SPRY4: variants seen among roughly 807,000 people sequenced by gnomAD.
The protein encoded by SPRY4 is sprouty RTK signaling antagonist 4, also known as protein sprouty homolog 4.
SPRY4 carries 7 observed loss-of-function variants against 17.0 expected under a neutral mutation model. The ratio of observed to expected loss-of-function variants is 0.41; its 90% CI spans 0.23 to 0.77. The LOEUF (loss-of-function observed/expected upper bound fraction) is 0.77, where lower values mean the gene tolerates loss of function less well. Among genes scored for constraint, SPRY4 ranks in the 30% least tolerant of loss-of-function variants. The pLI, the probability that SPRY4 is intolerant of heterozygous loss-of-function variation, is 0.32. For synonymous variants in SPRY4, 183 were observed against 174.1 expected (o/e 1.05, Z -0.40); for missense variants, 435 against 419.9 (o/e 1.04, Z -0.31).
At chr5:142,315,231 C>A (rs559401677) in intron 1 of SPRY4, 76 bp from the exon 2 acceptor site, 23 of 964,286 alleles carry the variant, frequency 2.4e-5, no homozygotes, top group Non-Finnish European at 3.0e-5. Flanking sequence ...ACCTCACCCC[C>A]CATCAGGTCC....
intron 1 of SPRY4, chr5:142,317,840 C>A (rs1375422478): frequency 6.8e-5 from 67 of 985,278 alleles, no homozygotes; most frequent in Non-Finnish European, 8.1e-5. Flanking sequence ...CCTCCAGAGG[C>A]AGCTGTCAAC....
At chr5:142,318,193 A>G in intron 1 of SPRY4, 1 of 985,228 alleles carries the variant, frequency 1.0e-6, no homozygotes, top group Non-Finnish European at 1.2e-6. Context: ...GAAAAAAAGA[A>G]AAGAAAGAAG....
At chr5:142,316,996 T>C (rs1759174868) in intron 1 of SPRY4, 1 of 985,342 alleles carries the variant, frequency 1.0e-6, no homozygotes, top group Non-Finnish European at 1.2e-6. Context: ...CCTGCCCCCA[T>C]GTTCTCTTCG....
At chr5:142,323,524 C>T (rs1759422520) in intron 1 of SPRY4, among the ~76,000 whole-genome samples, 1 of 152,156 alleles carries the variant, frequency 6.6e-6, no homozygotes, top group South Asian at 2.1e-4. Context: ...ATATGGATGC[C>T]CCTCCAGCAG....
At chr5:142,321,422 T>A (rs186739000) in intron 1 of SPRY4, among the ~76,000 whole-genome samples, 5 of 152,340 alleles carry the variant, frequency 3.3e-5, no homozygotes, top group South Asian at 2.1e-4. Context: ...CAATACAGCT[T>A]TCTGAAAGTT....
At chr5:142,316,688 G>A (rs1759164239) in intron 1 of SPRY4, among the ~76,000 whole-genome samples, 1 of 152,176 alleles carries the variant, frequency 6.6e-6, no homozygotes, top group Non-Finnish European at 1.5e-5. Context: ...CCCCTCTGCT[G>A]TTAGGTTTAT....
intron 1 of SPRY4, chr5:142,317,506 C>T (rs1217650030): frequency 1.0e-6 from 1 of 985,188 alleles, no homozygotes. Context: ...ATGTAGGCAG[C>T]AGTTTGAAGC....
Position 142,311,564 on chromosome 5 carries a change from TTTGTTGTTG to T in SPRY4, c.*2636_*2644del, listed in dbSNP as rs68140442. 61,894 of 150,646 alleles carry T rather than the reference TTTGTTGTTG, an allele frequency of 0.41. 13,605 individuals carry two copies. Among genetic ancestry groups the T allele is most frequent in the Admixed American group, 0.52 (7,791 of 15,110 alleles). The allele number at this position is 150,646 out of a possible 1,614,324, so 9.3% of individuals were successfully genotyped here. A position where few individuals can be genotyped will look rare whatever the true frequency, so the allele number is the denominator to read the frequency against. On this transcript the variant is annotated 3_prime_UTR_variant, in exon 2 of 2. Coordinates refer to ENST00000434127, the MANE Select transcript of SPRY4 (RefSeq NM_001127496.3). ...ACAGGCAAGCCAGTTTATCCTTCTG[TTTGTTGTTG>T]TTGTTGTTGTTGTTGTTGTTGTTTT...
chr5:142,319,373 T>C (rs1759268102), intron 1 of SPRY4, among the ~76,000 whole-genome samples: 3 of 152,204 alleles, frequency 2.0e-5, no homozygotes, highest in African/African-American at 2.4e-5. Flanking sequence ...TCAAGTGCTC[T>C]TCACTCCAGT....
chr5:142,322,635 A>G (rs1032071444), intron 1 of SPRY4, among the ~76,000 whole-genome samples: 2 of 151,948 alleles, frequency 1.3e-5, no homozygotes, highest in Non-Finnish European at 2.9e-5. Flanking sequence ...GGTGATCTGG[A>G]AAAGGTCATG....
chr5:142,315,237 G>C (rs1561649932), intron 1 of SPRY4, 82 bp from the exon 2 acceptor site: 1 of 912,844 alleles, frequency 1.1e-6, no homozygotes, highest in African/African-American at 1.7e-5. Context: ...CCCCCCATCA[G>C]GTCCTTGGGA....
chr5:142,319,181 T>C (rs533921340), intron 1 of SPRY4, among the ~76,000 whole-genome samples: 2 of 152,240 alleles, frequency 1.3e-5, no homozygotes, highest in Admixed American at 6.5e-5. Flanking sequence ...TTCACAACCA[T>C]GGACTCCTCC....
Position 142,314,242 on chromosome 5 carries a change from A to C in SPRY4, c.867T>G (p.Asp289Glu). The part of the protein sequence containing the change: ...NSVICKAASG[D>E]AKTSRPDKPF ...GCTTGTCGGGCCTGCTGGTCTTGGC[A>C]TCCCCGCTGGCTGCTTTGCAGATGA... The change falls in exon 2 of 2, where the codon GAT becomes GAG. Residue 289 changes from aspartate (D) to glutamate (E), a missense_variant. Physicochemically the swap from Asp to Glu is conservative, Grantham distance 45. Coordinates refer to ENST00000434127, the MANE Select transcript of SPRY4 (RefSeq NM_001127496.3). This position sits in a 1 kb window ranked among gnomAD's most constrained non-coding sequence, Gnocchi z 4.8. 1 of 1,611,620 alleles carries C rather than the reference A, an allele frequency of 6.2e-7. No individual in the cohort carries two copies. Among genetic ancestry groups the C allele is most frequent in the South Asian group, 1.1e-5 (1 of 91,016 alleles).
intron 1 of SPRY4, chr5:142,318,206 C>T: frequency 1.0e-6 from 1 of 983,252 alleles, no homozygotes; most frequent in Non-Finnish European, 1.2e-6. Flanking sequence ...GAAAGAAGGC[C>T]TGGCGCAGTG....
chr5:142,324,146 GAA>G (rs1269575189), intron 1 of SPRY4: 1 of 152,298 alleles, frequency 6.6e-6, no homozygotes, highest in Admixed American at 6.5e-5. Context: ...GGCCAGGCAA[GAA>G]AAAGTCAACT....
In SPRY4 at chr5:142,314,899, C is replaced by T; in HGVS notation, c.210G>A (p.Gly70=). The T allele has an allele frequency of 6.2e-7, 1 of 1,606,856 alleles. No homozygotes were observed. Among genetic ancestry groups the T allele is most frequent in the Non-Finnish European group, 8.5e-7 (1 of 1,174,882 alleles). ...LTTGPKRTRG[G]APELAPTPAR... is the part of the protein sequence containing the mutation. ...CGGGCGTCGGGGCCAGCTCTGGGGC[C>T]CCGCCCCGGGTCCGCTTTGGGCCGG... is the stretch of plus-strand genomic sequence containing the variant. The change falls in exon 2 of 2, where the codon GGG becomes GGA. Residue 70 remains glycine (G), a synonymous_variant. Coordinates refer to ENST00000434127, the MANE Select transcript of SPRY4 (RefSeq NM_001127496.3). The surrounding 1 kb of genome is among the most constrained non-coding windows in gnomAD (Gnocchi z 4.8).
At chr5:142,323,543 A>G (rs1280631794) in intron 1 of SPRY4, among the ~76,000 whole-genome samples, 1 of 152,126 alleles carries the variant, frequency 6.6e-6, no homozygotes, top group Admixed American at 6.5e-5. Flanking sequence ...AGCTGGTGAA[A>G]GAGGCAGCCA....
In SPRY4 at chr5:142,313,070, C is replaced by G. The variant is rs1758982884; in HGVS notation, c.*1139G>C. On this transcript the variant is annotated 3_prime_UTR_variant, in exon 2 of 2. Coordinates refer to ENST00000434127, the MANE Select transcript of SPRY4 (RefSeq NM_001127496.3). ...GAATCAGAAGAGAAGAAACCCAAAC[C>G]CAGCCTGGCTCAGCGGTCATTCTGC... 6.6e-6 allele frequency: 1 copy of G among 152,534 alleles called. No homozygotes were observed. Among genetic ancestry groups the G allele is most frequent in the South Asian group, 2.1e-4 (1 of 4,832 alleles). The allele number at this position is 152,534 out of a possible 1,614,324, so 9.4% of individuals were successfully genotyped here.
At chr5:142,315,314 T>C (rs963388291) in intron 1 of SPRY4, 159 bp from the exon 2 acceptor site, 4 of 582,116 alleles carry the variant, frequency 6.9e-6, no homozygotes, top group African/African-American at 1.9e-5. Flanking sequence ...AAGCTTAAGA[T>C]GATTAATAAT....
Sources: gnomAD v4.1 joint callset for allele counts (sites outside exome capture counted in the v4.1 genomes callset) on GRCh38, gnomAD v4.1.1 for gene constraint, Gnocchi (gnomAD v3.1) non-coding constraint, MANE v1.5 for transcripts, NCBI Gene and HGNC (gene_info 2026-07-23, HGNC 2026-07-21) for gene names.